The following SHCBP1L variants were observed in gnomAD, a reference collection of about 807,000 sequenced individuals.
SHCBP1L encodes the protein SHC binding and spindle associated 1 like.
SHCBP1L carries 67 observed loss-of-function variants against 62.5 expected under a neutral mutation model. The observed-to-expected ratio is 1.07, with a 90% CI of 0.88 to 1.31. SHCBP1L has a LOEUF of 1.31. Ranked by LOEUF, SHCBP1L falls within the 40% of genes most tolerant of loss-of-function variation. The pLI, the probability that SHCBP1L is intolerant of heterozygous loss-of-function variation, is 0.00. For missense variants in SHCBP1L, 823 were observed against 809.8 expected (o/e 1.02, Z -0.20); for synonymous variants, 284 against 289.4 (o/e 0.98, Z 0.19).
chr1:182,931,644 G>A (rs1310501154), intron 5 of SHCBP1L, among the ~76,000 whole-genome samples: 1 of 152,060 alleles, frequency 6.6e-6, no homozygotes, highest in African/African-American at 2.4e-5. Flanking sequence ...CAGCAAAGTT[G>A]ATCAAAAAGA....
At chr1:182,942,276 C>T (rs1305284847) in intron 2 of SHCBP1L, 16 of 1,220,832 alleles carry the variant, frequency 1.3e-5, no homozygotes, top group Non-Finnish European at 1.8e-5. Context: ...GAAGATTTAT[C>T]CTTCGCTGCT....
intron 6 of SHCBP1L, among the ~76,000 whole-genome samples, chr1:182,920,485 C>G (rs767437953): frequency 3.3e-5 from 5 of 152,206 alleles, no homozygotes; most frequent in Non-Finnish European, 5.9e-5. Context: ...AAAAGCAGTG[C>G]AAGAACTCTG....
intron 5 of SHCBP1L, among the ~76,000 whole-genome samples, chr1:182,935,256 G>A (rs1324466774): frequency 6.6e-6 from 1 of 152,106 alleles, no homozygotes; most frequent in African/African-American, 2.4e-5. Flanking sequence ...TGGATCTACA[G>A]ATCAAGTTGG....
intron 5 of SHCBP1L, among the ~76,000 whole-genome samples, chr1:182,933,221 T>C (rs1651064985): frequency 1.3e-5 from 2 of 152,078 alleles, no homozygotes; most frequent in Non-Finnish European, 2.9e-5. Context: ...TACTTCTTTA[T>C]ATTGCTGAGC....
chr1:182,904,532 T>TGC (rs1553243996), intron 7 of SHCBP1L, 102 bp from the exon 8 acceptor site: 2 of 1,096,082 alleles, frequency 1.8e-6, no homozygotes, highest in Non-Finnish European at 2.6e-6. Flanking sequence ...TTTCCCTGTG[T>TGC]GCGTGTGTGT....
At chr1:182,948,751 G>A (rs1255823220) in intron 2 of SHCBP1L, among the ~76,000 whole-genome samples, 2 of 152,084 alleles carry the variant, frequency 1.3e-5, no homozygotes, top group African/African-American at 4.8e-5. Context: ...GGGGCCCATA[G>A]GAATAAATTA....
chr1:182,924,978 A>AAAG lies in SHCBP1L; in HGVS notation c.1182+4668_1182+4669insCTT, dbSNP rs1341515340. ...AGAAAGAAAGAAAGAAAGAAAGAAA[A>AAAG]AAAAAGGAAGAAGGAAAGGAAGGAA... On this transcript the variant is annotated intron_variant, in intron 6 of 9. Coordinates refer to ENST00000367547, the MANE Select transcript of SHCBP1L (RefSeq NM_030933.4). Among the ~76,000 whole-genome samples, 136 of 72,606 alleles carry AAAG rather than the reference A, an allele frequency of 1.9e-3. 1 individual carries two copies. Among genetic ancestry groups the AAAG allele is most frequent in the African/African-American group, 7.5e-3 (105 of 14,074 alleles). 47.6% of individuals were successfully genotyped at this position (72,606 alleles called of 152,430 possible).
chr1:182,933,222 A>G (rs1039802775), intron 5 of SHCBP1L, among the ~76,000 whole-genome samples: 4 of 151,982 alleles, frequency 2.6e-5, no homozygotes, highest in Admixed American at 6.6e-5. Context: ...ACTTCTTTAT[A>G]TTGCTGAGCA....
At chr1:182,914,820 A>T (rs533271150) in intron 6 of SHCBP1L, among the ~76,000 whole-genome samples, 14 of 152,300 alleles carry the variant, frequency 9.2e-5, no homozygotes, top group East Asian at 5.8e-4. Context: ...ATCACCAATT[A>T]AAAAAGACAG....
intron 6 of SHCBP1L, among the ~76,000 whole-genome samples, chr1:182,911,748 G>C (rs1234255493): frequency 6.6e-6 from 1 of 152,130 alleles, no homozygotes; most frequent in African/African-American, 2.4e-5. Flanking sequence ...CAGCAGATTT[G>C]AGCAAGCAGA....
chr1:182,913,723 T>C (rs1029294194), intron 6 of SHCBP1L, among the ~76,000 whole-genome samples: 3 of 152,208 alleles, frequency 2.0e-5, no homozygotes, highest in Admixed American at 2.0e-4. Flanking sequence ...GGCTCACACC[T>C]GTAATACCAG....
chr1:182,911,620 C>T (rs893675646), intron 6 of SHCBP1L, among the ~76,000 whole-genome samples: 1 of 152,056 alleles, frequency 6.6e-6, no homozygotes, highest in Non-Finnish European at 1.5e-5. Context: ...GAACTAGAAG[C>T]AACCAGGAGA....
chr1:182,944,957 C>CTT (rs11309339), intron 2 of SHCBP1L, among the ~76,000 whole-genome samples: 2,011 of 108,950 alleles, frequency 0.018, 75 homozygotes, highest in African/African-American at 0.068. Context: ...TTCTTTCTTT[C>CTT]TTTTTTTTTT....
intron 6 of SHCBP1L, among the ~76,000 whole-genome samples, chr1:182,918,209 TAC>T (rs1192474806): frequency 2.7e-5 from 4 of 147,662 alleles, no homozygotes; most frequent in African/African-American, 9.9e-5. Context: ...TACATATATA[TAC>T]ACATATATAT....
At chr1:182,920,692 T>C (rs1170914697) in intron 6 of SHCBP1L, among the ~76,000 whole-genome samples, 1 of 152,014 alleles carries the variant, frequency 6.6e-6, no homozygotes, top group Non-Finnish European at 1.5e-5. Flanking sequence ...AGCTGGAAGA[T>C]GAAACAGTCA....
In SHCBP1L at chr1:182,901,264, C is replaced by T. The variant is rs796652552; in HGVS notation, c.1711-1030G>A. 6.6e-5 allele frequency among the ~76,000 whole-genome samples: 10 copies of T among 152,158 alleles called. 1 individual carries two copies. The highest frequency in any genetic ancestry group is 2.2e-4 in the African/African-American group (9 of 41,498). ...CCTGAGGTCAGTAGTTCGAGACCAG[C>T]CTGACCAACATGGAGAAACCCCGTC... On this transcript the variant is annotated intron_variant, in intron 9 of 9. Transcript: ENST00000367547.
intron 5 of SHCBP1L, among the ~76,000 whole-genome samples, chr1:182,934,966 A>C (rs1651119692): frequency 2.0e-5 from 3 of 152,058 alleles, no homozygotes; most frequent in African/African-American, 7.2e-5. Context: ...AGTCTACTCT[A>C]TGTGTGGATC....
chr1:182,909,985 A>G (rs1650129208), intron 6 of SHCBP1L, among the ~76,000 whole-genome samples: 7 of 152,234 alleles, frequency 4.6e-5, no homozygotes, highest in Admixed American at 4.6e-4. Context: ...CTGCAAGGTA[A>G]GAAACAGAGA....
chr1:182,947,034 C>T (rs576392980), intron 2 of SHCBP1L, among the ~76,000 whole-genome samples: 38 of 151,988 alleles, frequency 2.5e-4, no homozygotes, highest in Admixed American at 2.4e-3. Context: ...GTCAAGAGTT[C>T]GAGACCAGCC....
Sources: allele counts gnomAD v4.1 joint callset (sites outside exome capture counted in the v4.1 genomes callset), GRCh38; gene constraint gnomAD v4.1.1; transcripts MANE v1.5; gene names NCBI Gene and HGNC (gene_info 2026-07-23, HGNC 2026-07-21).